The following CTBS variants were observed in gnomAD, a reference collection of about 807,000 sequenced individuals.
CTBS encodes di-N-acetylchitobiase.
In CTBS, 35 loss-of-function variants were observed where a neutral mutation model predicts 44.3. The ratio of observed to expected loss-of-function variants is 0.79; its 90% CI spans 0.60 to 1.05. The LOEUF (loss-of-function observed/expected upper bound fraction) is 1.05, where lower values mean the gene tolerates loss of function less well. Among genes scored for constraint, CTBS ranks in the 50% least tolerant of loss-of-function variants. The pLI, the probability that CTBS is intolerant of heterozygous loss-of-function variation, is 0.00. For missense variants in CTBS, 458 were observed against 475.3 expected, an observed-to-expected ratio of 0.96 and a Z score of 0.34; for synonymous variants, 143 against 168.0, an observed-to-expected ratio of 0.85 and a Z score of 1.15.
intron 1 of CTBS, among the ~76,000 whole-genome samples, chr1:84,573,301 G>A (rs1313011551): frequency 6.6e-6 from 1 of 152,200 alleles, no homozygotes; most frequent in Admixed American, 6.5e-5. Flanking sequence ...TGCTACTAAA[G>A]CAGACCTCTC....
chr1:84,572,095 C>A (rs1310046276), intron 1 of CTBS, among the ~76,000 whole-genome samples: 5 of 152,056 alleles, frequency 3.3e-5, no homozygotes, highest in African/African-American at 1.2e-4. Context: ...CAGTGGGAAT[C>A]AATTAGAGTT....
Position 84,563,409 on chromosome 1 carries a change from A to G in CTBS, c.805T>C (p.Cys269Arg). 1 of 1,521,868 alleles carries G rather than the reference A, an allele frequency of 6.6e-7. No homozygotes were observed. The highest frequency in any genetic ancestry group is 2.3e-5 in the Admixed American group (1 of 43,726). 94.3% of individuals were successfully genotyped at this position (1,521,868 alleles called of 1,614,324 possible). A position where few individuals can be genotyped will look rare whatever the true frequency, so the allele number is the denominator to read the frequency against. The change falls in exon 6 of 7, where the codon TGT becomes CGT. Residue 269 changes from cysteine to arginine, a missense_variant. Physicochemically the swap from Cys to Arg is radical, Grantham distance 180. Coordinates refer to ENST00000370630, the MANE Select transcript of CTBS (RefSeq NM_004388.3). ...TCLNLSEDHV[C>R]TIAKVPFRGA... ...CGGAAAGGGACTTTTGCAATGGTAC[A>G]AACATGATCCTAGAAATGCAAAAGT... is the stretch of plus-strand genomic sequence containing the variant.
rs759280571 is a variant in CTBS at position 84,553,088 on chromosome 1, GA to G, written c.*1910del. 1,757 of 1,384,432 alleles carry G rather than the reference GA, an allele frequency of 1.3e-3. No individual in the cohort carries two copies. The highest frequency in any genetic ancestry group is 3.5e-3 in the Admixed American group (134 of 38,414). The allele number at this position is 1,384,432 out of a possible 1,614,324, so 85.8% of individuals were successfully genotyped here. A position where few individuals can be genotyped will look rare whatever the true frequency, so the allele number is the denominator to read the frequency against. On this transcript the variant is annotated 3_prime_UTR_variant, in exon 7 of 7. Transcript: ENST00000370630. ...GAACATTGAAAACTGAACTGGCACAGAAAAAAAAAATAATACATCTCTACAA... is the reference window on the plus strand; with the variant it reads ...GAACATTGAAAACTGAACTGGCACAGAAAAAAAAATAATACATCTCTACAA...
intron 6 of CTBS, among the ~76,000 whole-genome samples, chr1:84,558,671 T>A (rs1217789784): frequency 6.8e-6 from 1 of 147,788 alleles, no homozygotes; most frequent in Non-Finnish European, 1.5e-5. Flanking sequence ...GAGGCCAAGG[T>A]GGGAGAATCA....
chr1:84,557,643 C>CA (rs1196762825), intron 6 of CTBS, among the ~76,000 whole-genome samples: 1 of 150,524 alleles, frequency 6.6e-6, no homozygotes, highest in Non-Finnish European at 1.5e-5. Flanking sequence ...ATCATGAGGT[C>CA]AGGAGATCGA....
intron 3 of CTBS, among the ~76,000 whole-genome samples, chr1:84,566,991 G>A (rs1684712753): frequency 6.6e-6 from 1 of 152,080 alleles, no homozygotes. Context: ...TATGTTTATT[G>A]CCTTAACCAA....
chr1:84,568,346 G>A (rs1684735117), intron 3 of CTBS, among the ~76,000 whole-genome samples: 1 of 152,204 alleles, frequency 6.6e-6, no homozygotes, highest in African/African-American at 2.4e-5. Context: ...AGGAGGAGAA[G>A]GGGTATTGTG....
At position 84,551,430 on chromosome 1, in the gene CTBS, G is replaced by A; in HGVS notation, c.*3569C>T. On this transcript the variant is annotated 3_prime_UTR_variant, in exon 7 of 7. Coordinates refer to ENST00000370630, the MANE Select transcript of CTBS (RefSeq NM_004388.3). ...TAGCACTGTCCAACAGAACTTATGT[G>A]ATGATAGAAATGTTCTATGCCTGCA... 1 of 415,892 alleles carries A rather than the reference G, an allele frequency of 2.4e-6. No homozygotes were observed. The highest frequency in any genetic ancestry group is 3.2e-6 in the Non-Finnish European group (1 of 309,852). 25.8% of individuals were successfully genotyped at this position (415,892 alleles called of 1,614,324 possible).
In CTBS at chr1:84,550,337, T is replaced by C. The variant is rs952308793; in HGVS notation, c.*4662A>G. ...TAGGTTATTTTCATGATTTACTCTTTTGATCTTTATCATTTCATAGTTTAT... is the reference window on the plus strand; with the variant it reads ...TAGGTTATTTTCATGATTTACTCTTCTGATCTTTATCATTTCATAGTTTAT... On this transcript the variant is annotated 3_prime_UTR_variant, in exon 7 of 7. Coordinates refer to ENST00000370630, the MANE Select transcript of CTBS (RefSeq NM_004388.3). 18 of 550,744 alleles carry C rather than the reference T, an allele frequency of 3.3e-5. No homozygotes were observed. Among genetic ancestry groups the C allele is most frequent in the Non-Finnish European group, 5.0e-5 (17 of 343,362 alleles). The allele number at this position is 550,744 out of a possible 1,614,324, so 34.1% of individuals were successfully genotyped here.
At position 84,563,392 on chromosome 1, in the gene CTBS, G is replaced by A. The variant is rs772777295; in HGVS notation, c.822C>T (p.Val274=). 6.3e-7 allele frequency: 1 copy of A among 1,574,934 alleles called. No individual in the cohort carries two copies. The highest frequency in any genetic ancestry group is 1.9e-5 in the Admixed American group (1 of 52,730). Residue 274 remains valine (V), a synonymous_variant, in exon 6 of 7, where the codon GTC becomes GTT. Transcript: ENST00000370630. ...SEDHVCTIAK[V]PFRGAPCSDA... is the part of the protein sequence containing the mutation. ...CACTACAAGGAGCCCCCCGGAAAGG[G>A]ACTTTTGCAATGGTACAAACATGAT...
At chr1:84,572,576 T>C (rs1647343968) in intron 1 of CTBS, among the ~76,000 whole-genome samples, 1 of 152,004 alleles carries the variant, frequency 6.6e-6, no homozygotes, top group Non-Finnish European at 1.5e-5. Flanking sequence ...TAAGCATAAT[T>C]TTGCTTCTTT....
chr1:84,574,205 G>A, intron 1 of CTBS, 34 bp downstream of exon 1: 1 of 1,595,010 alleles, frequency 6.3e-7, no homozygotes, highest in Non-Finnish European at 8.5e-7. Context: ...GTGCCCTGAA[G>A]CCCAGACCTA....
rs749927906 is a variant in CTBS, at chr1:84,552,828, A to G, written c.*2171T>C. ...CTCATAAACAAGGTTACCTTATAGC[A>G]TATCTCACCAGTAGATAAGCATGCT... On this transcript the variant is annotated 3_prime_UTR_variant, in exon 7 of 7. Coordinates refer to ENST00000370630, the MANE Select transcript of CTBS (RefSeq NM_004388.3). 5.8e-5 allele frequency: 27 copies of G among 466,344 alleles called. No individual in the cohort carries two copies. Among genetic ancestry groups the G allele is most frequent in the African/African-American group, 8.1e-5 (4 of 49,340 alleles). 28.9% of individuals were successfully genotyped at this position (466,344 alleles called of 1,614,324 possible). A position where few individuals can be genotyped will look rare whatever the true frequency, so the allele number is the denominator to read the frequency against.
chr1:84,563,836 G>A lies in CTBS; in HGVS notation c.698-4C>T, dbSNP rs199953179. On this transcript the variant is annotated splice_region_variant and splice_polypyrimidine_tract_variant and intron_variant, in intron 4 of 6. Transcript: ENST00000370630. Reference sequence around the variant, plus strand: ...ATCTTGATGTAGTCATTATATCCTAGTCAAGCAGGAGAGAAAAAGCATATT... The same window carrying A: ...ATCTTGATGTAGTCATTATATCCTAATCAAGCAGGAGAGAAAAAGCATATT... 113 of 1,598,192 alleles carry A rather than the reference G, an allele frequency of 7.1e-5. No individual in the cohort carries two copies. In the African/African-American group the frequency reaches 1.2e-3, roughly 17 times the overall value.
chr1:84,558,093 G>A (rs914084877), intron 6 of CTBS, among the ~76,000 whole-genome samples: 5 of 152,078 alleles, frequency 3.3e-5, no homozygotes, highest in Admixed American at 2.6e-4. Context: ...ACTGTATCCC[G>A]TGGTAACTAT....
chr1:84,571,464 T>C (rs924500274), intron 1 of CTBS, among the ~76,000 whole-genome samples: 8 of 152,258 alleles, frequency 5.3e-5, no homozygotes, highest in African/African-American at 1.7e-4. Flanking sequence ...TGAAGCTAGC[T>C]TCTTAGAATA....
intron 3 of CTBS, among the ~76,000 whole-genome samples, chr1:84,566,798 A>T (rs913120052): frequency 6.6e-6 from 1 of 151,948 alleles, no homozygotes; most frequent in Non-Finnish European, 1.5e-5. Flanking sequence ...ACGCCCAGCT[A>T]ATTTTTTTGT....
Position 84,574,285 on chromosome 1 carries a change from G to A in CTBS, c.131C>T (p.Pro44Leu), listed in dbSNP as rs1447365278. Residue 44 changes from proline to leucine, a missense_variant, in exon 1 of 7, where the codon CCG becomes CTG. Coordinates refer to ENST00000370630, the MANE Select transcript of CTBS (RefSeq NM_004388.3). Reference sequence around the variant, plus strand: ...AATCGGGCGGCAGAGCTCAGGCTCCGGGCATGGGCAGTCGGTCCCGGCCGC... The same window carrying A: ...AATCGGGCGGCAGAGCTCAGGCTCCAGGCATGGGCAGTCGGTCCCGGCCGC... ...RLAAGTDCPC[P>L]EPELCRPIRH... 6.3e-7 allele frequency: 1 copy of A among 1,586,620 alleles called. No individual in the cohort carries two copies. Among genetic ancestry groups the A allele is most frequent in the Non-Finnish European group, 8.6e-7 (1 of 1,168,762 alleles).
At chr1:84,558,383 G>A (rs907733974) in intron 6 of CTBS, among the ~76,000 whole-genome samples, 3 of 150,106 alleles carry the variant, frequency 2.0e-5, no homozygotes, top group Non-Finnish European at 3.0e-5. Flanking sequence ...TCCGCCTCCC[G>A]GGTTCACGCC....
Sources: allele counts gnomAD v4.1 joint callset (sites outside exome capture counted in the v4.1 genomes callset), GRCh38; gene constraint gnomAD v4.1.1; transcripts MANE v1.5; gene names NCBI Gene and HGNC (gene_info 2026-07-23, HGNC 2026-07-21).